Variants in ANKS1B observed in about 807,000 individuals in gnomAD.
The protein encoded by ANKS1B is ankyrin repeat and sterile alpha motif domain-containing protein 1B.
Under a neutral mutation model 148.3 loss-of-function variants are expected in ANKS1B, and 36 were observed. The observed-to-expected ratio is 0.24, with a 90% CI of 0.19 to 0.32. ANKS1B has a LOEUF of 0.32. ANKS1B is among the 10% of genes least tolerant of loss of function. The pLI is 1.00. For missense variants in ANKS1B, 1,157 were observed against 1,542.6 expected (o/e 0.75, Z 4.19); for synonymous variants, 542 against 560.8 (o/e 0.97, Z 0.47).
At chr12:99,378,425 G>A (rs975933225) in intron 12 of ANKS1B, among the ~76,000 whole-genome samples, 5 of 152,058 alleles carry the variant, frequency 3.3e-5, no homozygotes, top group Non-Finnish European at 1.5e-5. Flanking sequence ...GGAGGACGAG[G>A]TGGGCAGATC....
rs145771856 is a variant in ANKS1B, at chr12:99,311,112, T to C, written c.1757-64248A>G. 3.7e-4 allele frequency among the ~76,000 whole-genome samples: 57 copies of C among 152,300 alleles called. 1 individual carries two copies. The East Asian group carries it at 9.1e-3, about 24-fold the overall frequency. ...CTGTTGTCATTCTTGTATTAGAAAA[T>C]GTATTTTCAGGTGGAACTATTACAA... On this transcript the variant is annotated intron_variant, in intron 12 of 26. Transcript: ENST00000683438.
At chr12:99,868,270 C>T (rs1257385441) in intron 1 of ANKS1B, among the ~76,000 whole-genome samples, 1 of 152,120 alleles carries the variant, frequency 6.6e-6, no homozygotes, top group East Asian at 1.9e-4. Flanking sequence ...ATGCTTAAAA[C>T]CCAAACGTGG....
At chr12:99,967,743 C>A (rs1448684582) in intron 1 of ANKS1B, among the ~76,000 whole-genome samples, 1 of 151,694 alleles carries the variant, frequency 6.6e-6, no homozygotes, top group Non-Finnish European at 1.5e-5. Flanking sequence ...GCCGTCTCTA[C>A]TAAAAATACA....
At chr12:99,709,733 G>C (rs2056363488) in intron 8 of ANKS1B, among the ~76,000 whole-genome samples, 1 of 151,974 alleles carries the variant, frequency 6.6e-6, no homozygotes, top group Non-Finnish European at 1.5e-5. Flanking sequence ...ATGAGACAAG[G>C]GGAACAACAT....
chr12:98,826,045 A>G (rs1244883373), intron 19 of ANKS1B, among the ~76,000 whole-genome samples: 3 of 152,154 alleles, frequency 2.0e-5, no homozygotes, highest in Non-Finnish European at 4.4e-5. Flanking sequence ...GAAATTGGGG[A>G]GTGTTTCAGA....
At chr12:99,357,468 TG>T (rs2092100880) in intron 12 of ANKS1B, among the ~76,000 whole-genome samples, 2 of 152,164 alleles carry the variant, frequency 1.3e-5, no homozygotes, top group Admixed American at 6.6e-5. Flanking sequence ...TTAACTTCTC[TG>T]ACTTCAGTAA....
intron 8 of ANKS1B, among the ~76,000 whole-genome samples, chr12:99,667,353 A>AAAAATAAAAGAAAAG (rs1555536431): frequency 1.4e-5 from 2 of 148,084 alleles, no homozygotes; most frequent in Non-Finnish European, 2.9e-5. Context: ...TGTCTCAAAA[A>AAAAATAAAAGAAAAG]AAAAGAAAAG....
At chr12:99,975,672 T>C (rs144938515) in intron 1 of ANKS1B, among the ~76,000 whole-genome samples, 20 of 152,318 alleles carry the variant, frequency 1.3e-4, no homozygotes, top group Non-Finnish European at 2.6e-4. Flanking sequence ...GAGTTACTTG[T>C]TTTTTGCTTG....
intron 9 of ANKS1B, among the ~76,000 whole-genome samples, chr12:98,736,349 T>C (rs2097772990): frequency 6.6e-6 from 1 of 152,174 alleles, no homozygotes; most frequent in African/African-American, 2.4e-5. Flanking sequence ...TAGGATTTGC[T>C]GATGGATTGG....
intron 1 of ANKS1B, among the ~76,000 whole-genome samples, chr12:99,843,418 C>A (rs962814171): frequency 4.5e-4 from 69 of 152,036 alleles, no homozygotes; most frequent in Non-Finnish European, 1.9e-4. Flanking sequence ...TCACCCCCAA[C>A]CCTCCAACAG....
intron 17 of ANKS1B, among the ~76,000 whole-genome samples, chr12:98,887,036 A>C (rs983379968): frequency 2.0e-4 from 31 of 152,216 alleles, no homozygotes; most frequent in African/African-American, 7.5e-4. Flanking sequence ...AAGATATACT[A>C]AAGGGCTGGG....
intron 1 of ANKS1B, among the ~76,000 whole-genome samples, chr12:99,868,226 AAAG>A (rs1301176471): frequency 6.6e-6 from 1 of 152,234 alleles, no homozygotes. Flanking sequence ...ATGAGTAAGA[AAAG>A]AGCTTCAGAA....
At chr12:98,944,302 C>CAA (rs11313441) in intron 17 of ANKS1B, among the ~76,000 whole-genome samples, 6 of 88,040 alleles carry the variant, frequency 6.8e-5, no homozygotes, top group Admixed American at 1.5e-4. Flanking sequence ...CTCCACCTCA[C>CAA]AAAAAAAAAA....
At chr12:99,733,296 C>T (rs936896110) in intron 8 of ANKS1B, among the ~76,000 whole-genome samples, 8 of 152,196 alleles carry the variant, frequency 5.3e-5, no homozygotes, top group African/African-American at 1.7e-4. Flanking sequence ...ACCAGTGCCT[C>T]GTTAGGCTGG....
At chr12:99,167,047 T>C (rs1018403014) in intron 14 of ANKS1B, among the ~76,000 whole-genome samples, 13 of 152,082 alleles carry the variant, frequency 8.5e-5, no homozygotes, top group Admixed American at 7.9e-4. Context: ...TCTGGGAAAA[T>C]AGAATACCTA....
intron 1 of ANKS1B, among the ~76,000 whole-genome samples, chr12:99,930,168 T>C (rs188557438): frequency 0.02 from 2,978 of 151,604 alleles, 113 homozygotes; most frequent in African/African-American, 0.068. Context: ...TCCTCTTTTA[T>C]TTCGTTGAGC....
At chr12:99,471,057 T>C (rs905853897) in intron 10 of ANKS1B, among the ~76,000 whole-genome samples, 2 of 152,166 alleles carry the variant, frequency 1.3e-5, no homozygotes, top group African/African-American at 4.8e-5. Context: ...GCATTTCATA[T>C]GCGTTCATAA....
At chr12:99,134,673 AC>A (rs1566333122) in intron 15 of ANKS1B, among the ~76,000 whole-genome samples, 1 of 149,670 alleles carries the variant, frequency 6.7e-6, no homozygotes, top group Non-Finnish European at 1.5e-5. Context: ...ACACACACAC[AC>A]ACACACACAC....
intron 12 of ANKS1B, among the ~76,000 whole-genome samples, chr12:99,318,987 G>A (rs1033123722): frequency 6.6e-6 from 1 of 152,130 alleles, no homozygotes; most frequent in Non-Finnish European, 1.5e-5. Flanking sequence ...GGTTTTGAGT[G>A]AGTTTCTTAA....
Sources: allele counts gnomAD v4.1 joint callset (sites outside exome capture counted in the v4.1 genomes callset), GRCh38; gene constraint gnomAD v4.1.1; transcripts MANE v1.5; gene names NCBI Gene and HGNC (gene_info 2026-07-23, HGNC 2026-07-21).